The following BSDC1 variants were observed in gnomAD, a reference collection of about 807,000 sequenced individuals.
BSDC1 encodes the protein BSD domain containing 1, also known as BSD domain-containing protein 1.
BSDC1 carries 29 observed loss-of-function variants against 56.0 expected under a neutral mutation model. That is an observed-to-expected ratio of 0.52 (90% CI 0.39 to 0.71). The LOEUF is 0.71. Among genes scored for constraint, BSDC1 ranks in the 30% least tolerant of loss-of-function variants. The pLI, the probability that BSDC1 is intolerant of heterozygous loss-of-function variation, is 0.00. For missense variants in BSDC1, 477 were observed against 548.5 expected (o/e 0.87, Z 1.30); for synonymous variants, 210 against 215.3 (o/e 0.98, Z 0.21).
At position 32,386,761 on chromosome 1, in the gene BSDC1, G is replaced by A; in HGVS notation, c.189+18C>T. 1.2e-6 allele frequency: 2 copies of A among 1,605,814 alleles called. No homozygotes were observed. Among genetic ancestry groups the A allele is most frequent in the South Asian group, 2.2e-5 (2 of 90,842 alleles). The stretch of plus-strand genomic sequence containing the variant: ...GTTGCGAGGGGCAGTTACTTGGGAG[G>A]GTTTGGGTGGTACTCACAGCCAGCT... On this transcript the variant is annotated intron_variant, in intron 3 of 10. Transcript: ENST00000455895.
At chr1:32,392,851 G>A (rs1480520625) in intron 2 of BSDC1, among the ~76,000 whole-genome samples, 1 of 152,192 alleles carries the variant, frequency 6.6e-6, no homozygotes, top group Non-Finnish European at 1.5e-5. Context: ...CTCACCTGAG[G>A]TGAGGAGTTC....
In BSDC1 at chr1:32,393,958, C is replaced by T. The variant is rs548522426; in HGVS notation, c.72+122G>A. 110 of 912,366 alleles carry T rather than the reference C, an allele frequency of 1.2e-4. No individual in the cohort carries two copies. In the African/African-American group the frequency reaches 1.6e-3, roughly 13 times the overall value. The allele number at this position is 912,366 out of a possible 1,614,324, so 56.5% of individuals were successfully genotyped here. On this transcript the variant is annotated intron_variant, in intron 2 of 10. Coordinates refer to ENST00000455895, the MANE Select transcript of BSDC1 (RefSeq NM_018045.8). ...GGACCGGTAGAGGCTAAAAGAAAGG[C>T]CCAGGTCAGCCTCATCCTTGAGACT...
At chr1:32,366,748 C>G in intron 10 of BSDC1, 94 bp from the exon 11 acceptor site, 2 of 1,440,044 alleles carry the variant, frequency 1.4e-6, no homozygotes, top group East Asian at 2.6e-5. Context: ...AGAGCCACCT[C>G]CCATCCCCTA....
chr1:32,368,288 G>A, intron 10 of BSDC1, 159 bp downstream of exon 10: 2 of 1,573,908 alleles, frequency 1.3e-6, no homozygotes, highest in South Asian at 2.3e-5. Context: ...GATGACCAAT[G>A]TTGTGGGTCT....
At chr1:32,391,853 G>A (rs1044714815) in intron 2 of BSDC1, among the ~76,000 whole-genome samples, 2 of 152,190 alleles carry the variant, frequency 1.3e-5, no homozygotes, top group African/African-American at 4.8e-5. Context: ...TGGTATCTAA[G>A]AGGTTTTCCC....
At chr1:32,392,049 A>G (rs549324794) in intron 2 of BSDC1, among the ~76,000 whole-genome samples, 1 of 152,298 alleles carries the variant, frequency 6.6e-6, no homozygotes, top group South Asian at 2.1e-4. Context: ...CTTGCCCAAG[A>G]GGCCAGGCGT....
chr1:32,387,876 C>T (rs910230887), intron 2 of BSDC1, among the ~76,000 whole-genome samples: 4 of 152,090 alleles, frequency 2.6e-5, no homozygotes, highest in South Asian at 2.1e-4. Context: ...AAGGAGGAAG[C>T]GGTCAAGAGA....
intron 5 of BSDC1, among the ~76,000 whole-genome samples, 196 bp from the exon 6 acceptor site, chr1:32,379,035 C>T (rs1642396467): frequency 6.6e-6 from 1 of 152,298 alleles, no homozygotes; most frequent in East Asian, 1.9e-4. Context: ...GGGCTGCAGT[C>T]TCCATTTTCT....
rs1642380275 is a variant in BSDC1, at chr1:32,378,730, G to C, written c.522C>G (p.Thr174=). The change falls in exon 6 of 11, where the codon ACC becomes ACG. Residue 174 remains threonine (T), a synonymous_variant. Coordinates refer to ENST00000455895, the MANE Select transcript of BSDC1 (RefSeq NM_018045.8). The surrounding 1 kb of genome is among the most constrained non-coding windows in gnomAD (Gnocchi z 5.2). ...CTGCAGGCTGGGCCCTCACCATCTT[G>C]GTGTAGAGGGCCCGGATGGAGGGGC... The part of the protein sequence containing the change: ...VGSPSIRALY[T]KMVPAAVSHS... The C allele has an allele frequency of 2.0e-6, 3 of 1,510,458 alleles. No homozygotes were observed. The highest frequency in any genetic ancestry group is 2.7e-6 in the Non-Finnish European group (3 of 1,127,936). The allele number at this position is 1,510,458 out of a possible 1,614,324, so 93.6% of individuals were successfully genotyped here. A position where few individuals can be genotyped will look rare whatever the true frequency, so the allele number is the denominator to read the frequency against.
chr1:32,378,172 C>A lies in BSDC1; in HGVS notation c.597+43G>T. On this transcript the variant is annotated intron_variant, in intron 7 of 10. Coordinates refer to ENST00000455895, the MANE Select transcript of BSDC1 (RefSeq NM_018045.8). This position sits in a 1 kb window ranked among gnomAD's most constrained non-coding sequence, Gnocchi z 5.2. The stretch of plus-strand genomic sequence containing the variant: ...TCTCTCAATAAATCCAGCCTGCTTC[C>A]CCCAGGGTTGAGTGGGGACCTCCCC... The A allele has an allele frequency of 6.2e-7, 1 of 1,610,934 alleles. No individual in the cohort carries two copies. Among genetic ancestry groups the A allele is most frequent in the South Asian group, 1.1e-5 (1 of 91,002 alleles).
chr1:32,381,161 C>A, intron 5 of BSDC1, 53 bp downstream of exon 5: 1 of 1,588,914 alleles, frequency 6.3e-7, no homozygotes, highest in Admixed American at 1.7e-5. Flanking sequence ...TACAACCCAG[C>A]CCCCTTAGTC....
chr1:32,373,977 AC>A (rs1191381644), intron 9 of BSDC1, among the ~76,000 whole-genome samples: 7 of 151,930 alleles, frequency 4.6e-5, no homozygotes, highest in African/African-American at 9.7e-5. Context: ...TACAATCACA[AC>A]CTCAGTGGGC....
rs1395554476 is a variant in BSDC1 at position 32,364,895 on chromosome 1, G to A, written c.*1727C>T. ...CAGAGGCACTGGGAGTGCAGAGATG[G>A]CCTCCCGACTCCTTGTCCCAGTGAG... On this transcript the variant is annotated 3_prime_UTR_variant, in exon 11 of 11. Transcript: ENST00000455895. 6.6e-6 allele frequency among the ~76,000 whole-genome samples: 1 copy of A among 152,194 alleles called. No homozygotes were observed. Among genetic ancestry groups the A allele is most frequent in the Non-Finnish European group, 1.5e-5 (1 of 68,038 alleles).
chr1:32,374,020 AC>A (rs1642190088), intron 9 of BSDC1, among the ~76,000 whole-genome samples: 2 of 152,014 alleles, frequency 1.3e-5, no homozygotes, highest in South Asian at 4.1e-4. Context: ...ACCCTATTAC[AC>A]CTGTCAGGCC....
chr1:32,376,154 G>A (rs1297111684), intron 9 of BSDC1, 108 bp downstream of exon 9: 16 of 1,271,310 alleles, frequency 1.3e-5, no homozygotes, highest in African/African-American at 1.2e-4. Flanking sequence ...TATCAGAAAC[G>A]AAAAAAAATC....
chr1:32,382,214 G>A (rs1333487080), intron 4 of BSDC1, among the ~76,000 whole-genome samples: 1 of 145,538 alleles, frequency 6.9e-6, no homozygotes, highest in Non-Finnish European at 1.5e-5. Context: ...GCGACAGAGA[G>A]AGACTCCATC....
chr1:32,379,920 T>G (rs1444347407), intron 5 of BSDC1, among the ~76,000 whole-genome samples: 1 of 152,214 alleles, frequency 6.6e-6, no homozygotes, highest in Non-Finnish European at 1.5e-5. Flanking sequence ...AGGGCTGCTT[T>G]ACAAAATGCA....
intron 5 of BSDC1, among the ~76,000 whole-genome samples, 188 bp from the exon 6 acceptor site, chr1:32,379,027 G>C (rs1642396015): frequency 6.6e-6 from 1 of 152,202 alleles, no homozygotes; most frequent in Admixed American, 6.5e-5. Flanking sequence ...TCCAGAAGGG[G>C]CTGCAGTCTC....
chr1:32,394,049 C>T (rs1642961925), intron 2 of BSDC1, 31 bp downstream of exon 2: 7 of 1,599,640 alleles, frequency 4.4e-6, no homozygotes, highest in Non-Finnish European at 6.0e-6. Context: ...CAGGGCCCTG[C>T]TGAGGGAAGA....
Sources: gnomAD v4.1 joint callset for allele counts (sites outside exome capture counted in the v4.1 genomes callset) on GRCh38, gnomAD v4.1.1 for gene constraint, Gnocchi (gnomAD v3.1) non-coding constraint, MANE v1.5 for transcripts, NCBI Gene and HGNC (gene_info 2026-07-23, HGNC 2026-07-21) for gene names.